TPPP2: variants seen among roughly 807,000 people sequenced by gnomAD.
The protein encoded by TPPP2 is tubulin polymerization-promoting protein family member 2.
TPPP2 carries 8 observed loss-of-function variants against 13.0 expected under a neutral mutation model. That is an observed-to-expected ratio of 0.62 (90% CI 0.36 to 1.11). TPPP2 has a LOEUF of 1.11. Among genes scored for constraint, TPPP2 ranks in the 50% most tolerant of loss-of-function variants. The pLI is 0.02. For missense variants in TPPP2, 213 were observed against 216.9 expected (o/e 0.98, Z 0.11); for synonymous variants, 81 against 81.8 (o/e 0.99, Z 0.05).
At chr14:21,025,811 G>A (rs1489475030), upstream of TPPP2, 2 of 751,580 alleles carry the variant, frequency 2.7e-6, no homozygotes, top group Non-Finnish European at 3.2e-6. The surrounding 1 kb of genome is among the most constrained non-coding windows in gnomAD (Gnocchi z 5.1). Context: ...CAGGCGGGGG[G>A]TGGGGAGAGG....
At chr14:21,034,562 T>C (rs1172840858), downstream of TPPP2, 4 of 424,580 alleles carry the variant, frequency 9.4e-6, no homozygotes, top group Admixed American at 1.6e-4. Context: ...GAGCTCTAAC[T>C]GGTCCTTGGG....
At chr14:21,026,211 C>T (rs1465644049), upstream of TPPP2, among the ~76,000 whole-genome samples, 1 of 152,120 alleles carries the variant, frequency 6.6e-6, no homozygotes, top group Non-Finnish European at 1.5e-5. Context: ...GGAAGGCTCC[C>T]TGGAATGAGT....
upstream of TPPP2, chr14:21,025,569 G>A (rs1883448347): frequency 7.1e-6 from 7 of 985,460 alleles, no homozygotes; most frequent in Non-Finnish European, 8.4e-6. This position sits in a 1 kb window ranked among gnomAD's most constrained non-coding sequence, Gnocchi z 5.1. Context: ...CTGAGGAGGC[G>A]GGGGTCTCGC....
At chr14:21,030,460 TG>T in intron 1 of TPPP2, 52 bp from the exon 2 acceptor site, 1 of 1,000,030 alleles carries the variant, frequency 1.0e-6, no homozygotes, top group Non-Finnish European at 1.5e-6. Flanking sequence ...AGAGGGGAGC[TG>T]TTCCTGTTGC....
upstream of TPPP2, among the ~76,000 whole-genome samples, chr14:21,026,317 C>G (rs1230516966): frequency 6.7e-6 from 1 of 150,130 alleles, no homozygotes; most frequent in African/African-American, 2.5e-5. Context: ...TTGTAGCTCC[C>G]CCAATCCCAG....
chr14:21,031,080 G>A lies in TPPP2; in HGVS notation c.242G>A (p.Arg81His), dbSNP rs780970569. 51 of 1,614,034 alleles carry A rather than the reference G, an allele frequency of 3.2e-5. No individual in the cohort carries two copies. Among genetic ancestry groups the A allele is most frequent in the Non-Finnish European group, 2.8e-5 (33 of 1,180,026 alleles). ...KEAVKELGQK[R>H]FKGKSPDEVL... is the part of the protein sequence containing the mutation. The stretch of plus-strand genomic sequence containing the variant: ...GCAGTGAAGGAACTGGGCCAGAAGC[G>A]CTTCAAAGGGAAGAGTCCAGATGAA... Residue 81 changes from arginine to histidine, a missense_variant, in exon 3 of 4, where the codon CGC becomes CAC. Transcript: ENST00000321760.
intron 1 of TPPP2, chr14:21,024,754 C>T (rs1032572317): frequency 1.0e-6 from 1 of 985,400 alleles, no homozygotes; most frequent in African/African-American, 1.7e-5. Flanking sequence ...GAACCCGTCC[C>T]TACGAGTCCC....
chr14:21,030,864 G>A (rs1042533075), intron 2 of TPPP2, 110 bp downstream of exon 2: 3 of 1,507,084 alleles, frequency 2.0e-6, no homozygotes, highest in African/African-American at 2.8e-5. Flanking sequence ...AGCACCACAG[G>A]GTACCTGGCG....
At position 21,032,098 on chromosome 14, in the gene TPPP2, T is replaced by G. The variant is rs200569869; in HGVS notation, c.*21T>G. 3 of 1,607,444 alleles carry G rather than the reference T, an allele frequency of 1.9e-6. No homozygotes were observed. Among genetic ancestry groups the G allele is most frequent in the East Asian group, 2.2e-5 (1 of 44,722 alleles). ...AGTAGAGAGGAGCTTCATCTCAGCCTGCTAGCCCCCTGACCCTGCATGTTT... is the reference window on the plus strand; with the variant it reads ...AGTAGAGAGGAGCTTCATCTCAGCCGGCTAGCCCCCTGACCCTGCATGTTT... On this transcript the variant is annotated 3_prime_UTR_variant, in exon 4 of 4. Coordinates refer to ENST00000321760, the MANE Select transcript of TPPP2 (RefSeq NM_173846.5).
downstream of TPPP2, chr14:21,033,245 GA>G (rs1479184398): frequency 3.1e-6 from 1 of 319,760 alleles, no homozygotes; most frequent in East Asian, 8.9e-5. Context: ...TATGAAGGGA[GA>G]AACCATGATT....
chr14:21,026,723 T>C (rs564514952), upstream of TPPP2, among the ~76,000 whole-genome samples: 3 of 152,174 alleles, frequency 2.0e-5, no homozygotes, highest in East Asian at 5.8e-4. Context: ...ACCCAACTTT[T>C]CTTCTGTTCC....
In TPPP2 at chr14:21,032,167, C is replaced by A; in HGVS notation, c.*90C>A. Reference sequence around the variant, plus strand: ...AAACAATAAACATCTGTGTGTGCAGCAGCCAAAATCTCTGTCTGTGAGGGA... The same window carrying A: ...AAACAATAAACATCTGTGTGTGCAGAAGCCAAAATCTCTGTCTGTGAGGGA... On this transcript the variant is annotated 3_prime_UTR_variant, in exon 4 of 4. Transcript: ENST00000321760. The A allele has an allele frequency of 1.5e-6, 2 of 1,339,354 alleles. No homozygotes were observed. Among genetic ancestry groups the A allele is most frequent in the Non-Finnish European group, 2.1e-6 (2 of 940,574 alleles). The allele number at this position is 1,339,354 out of a possible 1,614,324, so 83.0% of individuals were successfully genotyped here.
At position 21,025,180 on chromosome 14, in the gene TPPP2, C is replaced by T. The variant is rs943945107; in HGVS notation, n.236+836C>T. 4 of 893,002 alleles carry T rather than the reference C, an allele frequency of 4.5e-6. No individual in the cohort carries two copies. Among genetic ancestry groups the T allele is most frequent in the Non-Finnish European group, 5.4e-6 (4 of 745,390 alleles). The allele number at this position is 893,002 out of a possible 1,614,324, so 55.3% of individuals were successfully genotyped here. A position where few individuals can be genotyped will look rare whatever the true frequency, so the allele number is the denominator to read the frequency against. On this transcript the variant is annotated intron_variant and non_coding_transcript_variant, in intron 1 of 1. Transcript: ENST00000533755. The surrounding 1 kb of genome is among the most constrained non-coding windows in gnomAD (Gnocchi z 5.1). Reference sequence around the variant, plus strand: ...CCGCCCCAGACCCCCAGTAAACACGCCCCCCCTTTCACCCCGCCCAGACTG... The same window carrying T: ...CCGCCCCAGACCCCCAGTAAACACGTCCCCCCTTTCACCCCGCCCAGACTG...
At chr14:21,027,341 T>A (rs1320586294), upstream of TPPP2, among the ~76,000 whole-genome samples, 1 of 152,224 alleles carries the variant, frequency 6.6e-6, no homozygotes, top group East Asian at 1.9e-4. Context: ...GTTTTAAGTA[T>A]CTGTTATGTG....
intron 3 of TPPP2, 54 bp from the exon 4 acceptor site, chr14:21,031,838 G>C (rs1884195682): frequency 6.3e-7 from 1 of 1,575,328 alleles, no homozygotes; most frequent in Non-Finnish European, 8.7e-7. Context: ...TTTGGGGAAG[G>C]GATATGACAG....
downstream of TPPP2, chr14:21,033,903 A>G (rs1485616079): frequency 2.5e-6 from 4 of 1,614,044 alleles, no homozygotes; most frequent in Non-Finnish European, 3.4e-6. Flanking sequence ...CTGGTTGGTT[A>G]GGGTGCTATT....
downstream of TPPP2, chr14:21,034,443 C>G: frequency 1.6e-6 from 1 of 642,192 alleles, no homozygotes; most frequent in Non-Finnish European, 2.7e-6. Flanking sequence ...AGAGGAGATG[C>G]TTGCCCAAGG....
downstream of TPPP2, chr14:21,034,277 A>G: frequency 6.2e-7 from 1 of 1,610,428 alleles, no homozygotes. Context: ...GCCGGGTCAC[A>G]GCTGGTGCCA....
chr14:21,030,715 T>C lies in TPPP2; in HGVS notation c.134T>C (p.Val45Ala). 6.2e-7 allele frequency: 1 copy of C among 1,614,144 alleles called. No homozygotes were observed. The highest frequency in any genetic ancestry group is 8.5e-7 in the Non-Finnish European group (1 of 1,180,014). ...TGTGGCATCATGGATGGCAAGACAG[T>C]CACCTCCACGGACGTGGACATCGTG... ...KDCGIMDGKT[V>A]TSTDVDIVFS... The change falls in exon 2 of 4, where the codon GTC (valine) becomes GCC (alanine). Residue 45 changes from valine to alanine, a missense_variant. Coordinates refer to ENST00000321760, the MANE Select transcript of TPPP2 (RefSeq NM_173846.5).
Sources: gnomAD v4.1 joint callset for allele counts (sites outside exome capture counted in the v4.1 genomes callset) on GRCh38, gnomAD v4.1.1 for gene constraint, Gnocchi (gnomAD v3.1) non-coding constraint, MANE v1.5 for transcripts, NCBI Gene and HGNC (gene_info 2026-07-23, HGNC 2026-07-21) for gene names.